Variants in PALLD observed in about 807,000 individuals in gnomAD.
PALLD encodes palladin, cytoskeletal associated protein.
Under a neutral mutation model 123.5 loss-of-function variants are expected in PALLD, and 61 were observed. The observed-to-expected ratio is 0.49, with a 90% CI of 0.40 to 0.61. The LOEUF (loss-of-function observed/expected upper bound fraction) is 0.61. Ranked by LOEUF, PALLD falls within the 20% of genes least tolerant of loss-of-function variation. The pLI, the probability that PALLD is intolerant of heterozygous loss-of-function variation, is 0.00. For synonymous variants in PALLD, 465 were observed against 496.4 expected, an observed-to-expected ratio of 0.94 and a Z score of 0.84; for missense variants, 1,273 against 1,377.0, an observed-to-expected ratio of 0.92 and a Z score of 1.20.
chr4:168,622,702 CT>C (rs1414071552), intron 2 of PALLD, among the ~76,000 whole-genome samples: 1 of 152,202 alleles, frequency 6.6e-6, no homozygotes, highest in Non-Finnish European at 1.5e-5. Flanking sequence ...TACATAACCA[CT>C]TTATGCTTTT....
intron 10 of PALLD, among the ~76,000 whole-genome samples, chr4:168,851,525 G>A (rs1289661099): frequency 1.3e-5 from 2 of 151,944 alleles, no homozygotes; most frequent in Non-Finnish European, 1.5e-5. Flanking sequence ...GCACCACCTC[G>A]CCCAGCTAAT....
intron 3 of PALLD, 27 bp downstream of exon 3, chr4:168,668,395 G>A: frequency 1.3e-6 from 2 of 1,565,456 alleles, no homozygotes; most frequent in African/African-American, 1.4e-5. Flanking sequence ...GGTAATGGGG[G>A]ATAAAGGGGT....
At chr4:168,543,534 T>C (rs1659647423) in intron 2 of PALLD, among the ~76,000 whole-genome samples, 1 of 151,496 alleles carries the variant, frequency 6.6e-6, no homozygotes, top group Non-Finnish European at 1.5e-5. Flanking sequence ...TGTAGATGAT[T>C]GAATGCAAAT....
chr4:168,704,757 A>G (rs1784068341), intron 8 of PALLD, among the ~76,000 whole-genome samples: 1 of 152,014 alleles, frequency 6.6e-6, no homozygotes, highest in South Asian at 2.1e-4. Context: ...AAATCTTAAG[A>G]ATAAAGAAAA....
intron 10 of PALLD, among the ~76,000 whole-genome samples, chr4:168,757,953 C>G (rs1413451719): frequency 6.6e-6 from 1 of 152,158 alleles, no homozygotes; most frequent in East Asian, 1.9e-4. Context: ...TGCCTGTGAT[C>G]CCAGCTATCT....
intron 2 of PALLD, among the ~76,000 whole-genome samples, chr4:168,569,303 C>T (rs924113280): frequency 1.3e-5 from 2 of 152,046 alleles, no homozygotes; most frequent in Non-Finnish European, 2.9e-5. Context: ...GAGATAGTGC[C>T]GTGGAATCTT....
At position 168,712,116 on chromosome 4, in the gene PALLD, T is replaced by C. The variant is rs1784889033; in HGVS notation, c.1964+193T>C. Reference sequence around the variant, plus strand: ...TAAAGAAGGGAAATGAAAAGCTTGGTGAAATCTGCCCTTTGCTGAAAGCTA... The same window carrying C: ...TAAAGAAGGGAAATGAAAAGCTTGGCGAAATCTGCCCTTTGCTGAAAGCTA... On this transcript the variant is annotated intron_variant, in intron 10 of 21. Transcript: ENST00000505667. 3 of 625,396 alleles carry C rather than the reference T, an allele frequency of 4.8e-6. No homozygotes were observed. In the South Asian group the frequency reaches 5.7e-5, roughly 12 times the overall value. 38.7% of individuals were successfully genotyped at this position (625,396 alleles called of 1,614,324 possible). A position where few individuals can be genotyped will look rare whatever the true frequency, so the allele number is the denominator to read the frequency against.
Position 168,585,933 on chromosome 4 carries a change from G to A in PALLD, c.908+73521G>A, listed in dbSNP as rs756489225. The stretch of plus-strand genomic sequence containing the variant: ...GTAGAATGTCAGGAAAATAGCATTA[G>A]CTAGATAAACTTCTTTCCCTCAAAC... On this transcript the variant is annotated intron_variant, in intron 2 of 21. Coordinates refer to ENST00000505667, the MANE Select transcript of PALLD (RefSeq NM_001166108.2). 1.4e-3 allele frequency among the ~76,000 whole-genome samples: 206 copies of A among 152,204 alleles called. 4 individuals carry two copies. Among genetic ancestry groups the A allele is most frequent in the African/African-American group, 1.5e-3 (62 of 41,526 alleles).
chr4:168,864,098 A>G (rs1749903628), intron 10 of PALLD: 1 of 152,214 alleles, frequency 6.6e-6, no homozygotes. Context: ...TGCTGATACC[A>G]CTATAGTCAT....
intron 15 of PALLD, among the ~76,000 whole-genome samples, chr4:168,907,634 G>A (rs1758083417): frequency 6.6e-6 from 1 of 152,158 alleles, no homozygotes; most frequent in Admixed American, 6.5e-5. Flanking sequence ...AGTGGTTACT[G>A]CCCTTATTCC....
chr4:168,711,506 G>GAC, intron 9 of PALLD, 75 bp from the exon 10 acceptor site: 2 of 1,020,292 alleles, frequency 2.0e-6, no homozygotes, highest in South Asian at 2.6e-5. Context: ...ATTCTCAGAA[G>GAC]ACTCTGACAG....
chr4:168,770,831 G>T (rs1734306711), intron 10 of PALLD, among the ~76,000 whole-genome samples: 1 of 152,242 alleles, frequency 6.6e-6, no homozygotes, highest in South Asian at 2.1e-4. Flanking sequence ...GGCTGAGGCG[G>T]GTGGATCACT....
intron 2 of PALLD, among the ~76,000 whole-genome samples, chr4:168,518,801 T>C (rs891339789): frequency 3.9e-5 from 6 of 152,252 alleles, no homozygotes; most frequent in African/African-American, 1.4e-4. Context: ...TTCACTAGAA[T>C]ATAAAATCCT....
chr4:168,558,422 G>A (rs1014568910), intron 2 of PALLD, among the ~76,000 whole-genome samples: 12 of 152,160 alleles, frequency 7.9e-5, no homozygotes, highest in African/African-American at 2.7e-4. Flanking sequence ...ATTTCAAAGC[G>A]GTAGAGGTGG....
intron 2 of PALLD, among the ~76,000 whole-genome samples, chr4:168,527,344 C>T (rs2149471866): frequency 7.0e-6 from 1 of 143,728 alleles, no homozygotes; most frequent in Admixed American, 7.6e-5. Flanking sequence ...ATCGCTTTAA[C>T]CCGGGAGGCA....
Position 168,683,106 on chromosome 4 carries a change from A to T in PALLD, c.1260+3A>T. 1 of 1,577,968 alleles carries T rather than the reference A, an allele frequency of 6.3e-7. No homozygotes were observed. Among genetic ancestry groups the T allele is most frequent in the Admixed American group, 1.7e-5 (1 of 59,904 alleles). On this transcript the variant is annotated splice_donor_region_variant and intron_variant, in intron 5 of 21. Coordinates refer to ENST00000505667, the MANE Select transcript of PALLD (RefSeq NM_001166108.2). ...CACTGTCTGTCCCTGTGCAACAGGT[A>T]AGTATGCTTTGAGCCAGAGCCCATA...
At chr4:168,831,874 C>A in intron 10 of PALLD, 2 of 415,026 alleles carry the variant, frequency 4.8e-6, no homozygotes, top group Non-Finnish European at 6.5e-6. Context: ...AGGAAGGGGC[C>A]TGCGACCAGA....
At chr4:168,709,562 GGAAGGAAGGAAGGAAGGAAGGA>G (rs1784568004) in intron 9 of PALLD, among the ~76,000 whole-genome samples, 11 of 628 alleles carry the variant, frequency 0.018, no homozygotes, top group South Asian at 0.1. Flanking sequence ...AAGGAAGGAA[GGAAGGAAGGAAGGAAGGAAGGA>G]AGGAAGGGAG....
intron 2 of PALLD, among the ~76,000 whole-genome samples, chr4:168,556,262 A>AT (rs1186163810): frequency 2.6e-5 from 4 of 151,788 alleles, no homozygotes; most frequent in Non-Finnish European, 5.9e-5. Context: ...CGCCCGGCTA[A>AT]TTTTTTGTAT....
Sources: allele counts gnomAD v4.1 joint callset (sites outside exome capture counted in the v4.1 genomes callset), GRCh38; gene constraint gnomAD v4.1.1; transcripts MANE v1.5; gene names NCBI Gene and HGNC (gene_info 2026-07-23, HGNC 2026-07-21).